SLC16A7: variants seen among roughly 807,000 people sequenced by gnomAD.
The protein encoded by SLC16A7 is monocarboxylate transporter 2.
In SLC16A7, 33 loss-of-function variants were observed where a neutral mutation model predicts 34.9. That is an observed-to-expected ratio of 0.94 (90% CI 0.72 to 1.26). The LOEUF (loss-of-function observed/expected upper bound fraction) is 1.26, where lower values mean the gene tolerates loss of function less well. Among genes scored for constraint, SLC16A7 ranks in the 50% most tolerant of loss-of-function variants. The pLI is 0.00. For missense variants in SLC16A7, 573 were observed against 578.1 expected, an observed-to-expected ratio of 0.99 and a Z score of 0.09; for synonymous variants, 201 against 206.6, an observed-to-expected ratio of 0.97 and a Z score of 0.23.
At position 59,663,107 on chromosome 12, in the gene SLC16A7, T is replaced by G. The variant is rs543849525; in HGVS notation, c.-31+7857T>G. ...ACAAAATAAGTACAAAATACATTATTCAAATTCCTGTCAATTTTGTTCTTT... is the reference window on the plus strand; with the variant it reads ...ACAAAATAAGTACAAAATACATTATGCAAATTCCTGTCAATTTTGTTCTTT... On this transcript the variant is annotated intron_variant, in intron 2 of 5. Transcript: ENST00000547379. Among the ~76,000 whole-genome samples the G allele has an allele frequency of 2.0e-5, 3 of 152,188 alleles. No homozygotes were observed. The East Asian group carries it at 5.8e-4, about 29-fold the overall frequency.
At chr12:59,711,132 C>A (rs1874178177) in intron 3 of SLC16A7, among the ~76,000 whole-genome samples, 1 of 152,138 alleles carries the variant, frequency 6.6e-6, no homozygotes, top group South Asian at 2.1e-4. Flanking sequence ...ATTTGCCCTG[C>A]AGGCAGTGGG....
chr12:59,602,244 A>G (rs570886698), intron 1 of SLC16A7, among the ~76,000 whole-genome samples: 1 of 152,258 alleles, frequency 6.6e-6, no homozygotes, highest in South Asian at 2.1e-4. Flanking sequence ...AAGGCATAAC[A>G]ACTGTTAACT....
chr12:59,725,517 A>G (rs1018252681), intron 3 of SLC16A7, among the ~76,000 whole-genome samples: 8 of 152,110 alleles, frequency 5.3e-5, no homozygotes, highest in African/African-American at 1.4e-4. Context: ...TTTCATTAGA[A>G]ATAACTTTTC....
Position 59,783,897 on chromosome 12 carries a change from C to T in SLC16A7, c.*4218C>T, listed in dbSNP as rs1217238052. 6.6e-6 allele frequency: 1 copy of T among 152,050 alleles called. No individual in the cohort carries two copies. Among genetic ancestry groups the T allele is most frequent in the African/African-American group, 2.4e-5 (1 of 41,392 alleles). 9.4% of individuals were successfully genotyped at this position (152,050 alleles called of 1,614,324 possible). On this transcript the variant is annotated 3_prime_UTR_variant, in exon 6 of 6. Transcript: ENST00000547379. The stretch of plus-strand genomic sequence containing the variant: ...GTTTCTCCTTGTTGGTCAGGCTGGT[C>T]TTGAACTCTGACCTCAGGTGATTCA...
intron 3 of SLC16A7, among the ~76,000 whole-genome samples, chr12:59,727,177 A>G (rs926691899): frequency 2.4e-4 from 36 of 149,306 alleles, no homozygotes; most frequent in African/African-American, 8.6e-4. Flanking sequence ...TATAATATAT[A>G]TATGTTGTAT....
At chr12:59,653,249 G>C (rs1868379323) in intron 1 of SLC16A7, among the ~76,000 whole-genome samples, 2 of 151,642 alleles carry the variant, frequency 1.3e-5, no homozygotes, top group South Asian at 4.1e-4. Context: ...GAAATTTTTA[G>C]TTGATGAATA....
chr12:59,665,665 T>C (rs1323337008), intron 2 of SLC16A7, among the ~76,000 whole-genome samples: 1 of 151,970 alleles, frequency 6.6e-6, no homozygotes, highest in Non-Finnish European at 1.5e-5. Context: ...ATTTACAGAG[T>C]AATCATTTTT....
chr12:59,614,055 T>G (rs1266382159), intron 1 of SLC16A7, among the ~76,000 whole-genome samples: 1 of 99,882 alleles, frequency 1.0e-5, no homozygotes, highest in Non-Finnish European at 2.1e-5. Flanking sequence ...AATGAGAGCC[T>G]TTTTTTTTTT....
chr12:59,635,691 A>G (rs560525783), intron 1 of SLC16A7, among the ~76,000 whole-genome samples: 1 of 152,120 alleles, frequency 6.6e-6, no homozygotes, highest in Admixed American at 6.6e-5. Context: ...CTTCAGATGG[A>G]TTCTATTTTG....
intron 1 of SLC16A7, among the ~76,000 whole-genome samples, chr12:59,622,465 T>G (rs1283275851): frequency 6.6e-6 from 1 of 151,956 alleles, no homozygotes; most frequent in Non-Finnish European, 1.5e-5. Flanking sequence ...GTTTTATATG[T>G]GTTATATATT....
intron 4 of SLC16A7, among the ~76,000 whole-genome samples, chr12:59,772,633 A>T (rs1413144265): frequency 6.6e-6 from 1 of 152,086 alleles, no homozygotes; most frequent in African/African-American, 2.4e-5. Flanking sequence ...CTAGCATTTA[A>T]ACTTGATACA....
At chr12:59,677,374 C>T (rs2137065340) in intron 2 of SLC16A7, among the ~76,000 whole-genome samples, 1 of 152,208 alleles carries the variant, frequency 6.6e-6, no homozygotes, top group Non-Finnish European at 1.5e-5. Context: ...ATTAACAAAG[C>T]TAGTGGTATT....
Position 59,686,961 on chromosome 12 carries a change from A to C in SLC16A7, c.-30-17811A>C, listed in dbSNP as rs59408837. ...AGTGTTCTCATCACAGAAAATAAGC[A>C]TGTGAGGTGCTATGTACGTTAAATA... On this transcript the variant is annotated intron_variant, in intron 2 of 5. Transcript: ENST00000547379. Among the ~76,000 whole-genome samples the C allele has an allele frequency of 1.9e-3, 285 of 152,192 alleles. 1 individual carries two copies. Among genetic ancestry groups the C allele is most frequent in the African/African-American group, 6.2e-3 (257 of 41,542 alleles).
chr12:59,713,967 C>A (rs1209204455), intron 3 of SLC16A7, among the ~76,000 whole-genome samples: 1 of 152,162 alleles, frequency 6.6e-6, no homozygotes, highest in Non-Finnish European at 1.5e-5. Context: ...TATTTCATTA[C>A]AGTTATGATA....
At chr12:59,660,512 C>T (rs1868788850) in intron 2 of SLC16A7, among the ~76,000 whole-genome samples, 1 of 148,970 alleles carries the variant, frequency 6.7e-6, no homozygotes, top group Non-Finnish European at 1.5e-5. Context: ...AAATCCCAGC[C>T]TGGACAACAT....
rs533335114 is a variant in SLC16A7, at chr12:59,740,842, T to C, written c.218-30377T>C. ...GTCTCAGCCCAAAATCTCCTTAAGC[T>C]GATAAGCAACTTCAGCAAAGTCTCA... On this transcript the variant is annotated intron_variant, in intron 3 of 5. Transcript: ENST00000547379. Among the ~76,000 whole-genome samples, 5 of 152,270 alleles carry C rather than the reference T, an allele frequency of 3.3e-5. No individual in the cohort carries two copies. The East Asian group carries it at 9.6e-4, about 29-fold the overall frequency.
intron 3 of SLC16A7, among the ~76,000 whole-genome samples, chr12:59,767,628 T>C (rs1379140889): frequency 1.3e-5 from 2 of 152,138 alleles, no homozygotes; most frequent in Admixed American, 6.6e-5. Flanking sequence ...GTTTGCTGAA[T>C]ATTTTAAGCC....
At chr12:59,774,100 G>A (rs1408902537) in intron 4 of SLC16A7, among the ~76,000 whole-genome samples, 1 of 152,104 alleles carries the variant, frequency 6.6e-6, no homozygotes, top group African/African-American at 2.4e-5. Flanking sequence ...CATTAAATGT[G>A]GACTGTGAGG....
At chr12:59,745,686 G>A (rs1878819058) in intron 3 of SLC16A7, among the ~76,000 whole-genome samples, 1 of 152,184 alleles carries the variant, frequency 6.6e-6, no homozygotes, top group Non-Finnish European at 1.5e-5. Flanking sequence ...ATTCTTCCTG[G>A]AAGGTTTAGA....
Sources: allele counts gnomAD v4.1 joint callset (sites outside exome capture counted in the v4.1 genomes callset), GRCh38; gene constraint gnomAD v4.1.1; transcripts MANE v1.5; gene names NCBI Gene and HGNC (gene_info 2026-07-23, HGNC 2026-07-21).